AFG2A: variants seen among roughly 807,000 people sequenced by gnomAD.
The protein encoded by AFG2A is ATPase family gene 2 protein homolog A.
At chr4:123,199,469 T>TG in the AFG2A span, among the ~76,000 whole-genome samples, 4 of 133,476 alleles carry the variant, frequency 3.0e-5, no homozygotes, top group South Asian at 5.4e-4. Flanking sequence ...GAGGTTTTTT[T>TG]TTTTTTTTTT....
At chr4:123,167,730 T>G in the AFG2A span, among the ~76,000 whole-genome samples, 1 of 152,166 alleles carries the variant, frequency 6.6e-6, no homozygotes, top group Non-Finnish European at 1.5e-5. Context: ...ACCTACAAAT[T>G]CCAGTTGAAG....
chr4:123,141,475 A>AAAAC, the AFG2A span, among the ~76,000 whole-genome samples: 1 of 152,156 alleles, frequency 6.6e-6, no homozygotes, highest in Non-Finnish European at 1.5e-5. Context: ...AAAACAAAAC[A>AAAAC]AAACAAACAA....
the AFG2A span, among the ~76,000 whole-genome samples, chr4:123,067,949 G>GT: frequency 5.9e-5 from 9 of 152,108 alleles, no homozygotes; most frequent in Non-Finnish European, 1.2e-4. Flanking sequence ...GCCTACCCCA[G>GT]TTTTAAGATA....
At chr4:123,005,330 T>C in the AFG2A span, among the ~76,000 whole-genome samples, 2 of 152,122 alleles carry the variant, frequency 1.3e-5, no homozygotes, top group Non-Finnish European at 2.9e-5. Flanking sequence ...TTTGTATTTT[T>C]AGTAGGGAAG....
At chr4:123,306,573 G>A in the AFG2A span, among the ~76,000 whole-genome samples, 2 of 143,714 alleles carry the variant, frequency 1.4e-5, no homozygotes, top group South Asian at 4.4e-4. Flanking sequence ...TTTTTTTTCT[G>A]AGATGGGGCT....
At chr4:123,236,173 A>AGTAG in the AFG2A span, among the ~76,000 whole-genome samples, 1 of 152,198 alleles carries the variant, frequency 6.6e-6, no homozygotes, top group African/African-American at 2.4e-5. Flanking sequence ...TTTAGCCTAC[A>AGTAG]GTTTCAAGGC....
the AFG2A span, among the ~76,000 whole-genome samples, chr4:123,299,155 G>GTGTGTGTGTC: frequency 6.7e-6 from 1 of 149,030 alleles, no homozygotes; most frequent in East Asian, 2.0e-4. Flanking sequence ...GTGTGTGTCT[G>GTGTGTGTGTC]TGCACGCATG....
At chr4:123,286,723 C>T in the AFG2A span, among the ~76,000 whole-genome samples, 5 of 152,210 alleles carry the variant, frequency 3.3e-5, no homozygotes, top group South Asian at 4.2e-4. Flanking sequence ...TTGTTTGTTG[C>T]TCTGAGGGCC....
At chr4:123,134,829 G>A in the AFG2A span, among the ~76,000 whole-genome samples, 3 of 152,008 alleles carry the variant, frequency 2.0e-5, no homozygotes, top group South Asian at 2.1e-4. Context: ...TCTACCACAC[G>A]TTTAAAGAAG....
At chr4:123,138,157 A>G in the AFG2A span, among the ~76,000 whole-genome samples, 1 of 152,150 alleles carries the variant, frequency 6.6e-6, no homozygotes, top group African/African-American at 2.4e-5. Context: ...CGTTATGTCC[A>G]TGCCTCCTTT....
chr4:123,306,230 C>T, the AFG2A span, among the ~76,000 whole-genome samples: 1 of 152,126 alleles, frequency 6.6e-6, no homozygotes, highest in Non-Finnish European at 1.5e-5. Flanking sequence ...TTCCTACGTC[C>T]TAGGAATTCA....
the AFG2A span, chr4:123,028,503 ATTCT>A: frequency 2.4e-5 from 20 of 850,908 alleles, no homozygotes; most frequent in Middle Eastern, 3.3e-4. Context: ...AGGAGCAGTG[ATTCT>A]TTTTTTTTTA....
chr4:123,178,523 T>C, the AFG2A span, among the ~76,000 whole-genome samples: 1 of 152,226 alleles, frequency 6.6e-6, no homozygotes, highest in Non-Finnish European at 1.5e-5. Context: ...ATCTGTATAT[T>C]GTATAAGACC....
chr4:123,164,961 T>C, the AFG2A span, among the ~76,000 whole-genome samples: 1 of 152,170 alleles, frequency 6.6e-6, no homozygotes, highest in Non-Finnish European at 1.5e-5. Flanking sequence ...CTTTTTACAG[T>C]CTCTAAAAAG....
chr4:123,252,863 A>T, the AFG2A span, among the ~76,000 whole-genome samples: 1 of 152,214 alleles, frequency 6.6e-6, no homozygotes, highest in African/African-American at 2.4e-5. Context: ...TAAATATTTT[A>T]TATAAATGCA....
the AFG2A span, among the ~76,000 whole-genome samples, chr4:123,310,622 C>A: frequency 1.3e-5 from 2 of 152,208 alleles, no homozygotes; most frequent in East Asian, 3.8e-4. Context: ...GGTTTGTGAG[C>A]AGGGGAAGAC....
chr4:123,127,458 CTT>C, the AFG2A span, among the ~76,000 whole-genome samples: 1 of 152,058 alleles, frequency 6.6e-6, no homozygotes, highest in Non-Finnish European at 1.5e-5. Flanking sequence ...ACAAGCTGTA[CTT>C]TATATAATCA....
the AFG2A span, among the ~76,000 whole-genome samples, chr4:123,056,882 G>T: frequency 3.3e-5 from 5 of 152,006 alleles, no homozygotes; most frequent in African/African-American, 1.2e-4. Context: ...GAGGCTTACA[G>T]AAGTGAAGTT....
the AFG2A span, among the ~76,000 whole-genome samples, chr4:122,948,392 A>ACACACT: frequency 1.6e-5 from 2 of 123,224 alleles, no homozygotes; most frequent in African/African-American, 7.1e-5. Flanking sequence ...GAGTATACAC[A>ACACACT]CACACACACA....
Sources: gnomAD v4.1 joint callset for allele counts (sites outside exome capture counted in the v4.1 genomes callset) on GRCh38, gnomAD v4.1.1 for gene constraint, MANE v1.5 for transcripts, NCBI Gene and HGNC (gene_info 2026-07-23, HGNC 2026-07-21) for gene names.